PTPRT: variants seen among roughly 807,000 people sequenced by gnomAD.
The protein encoded by PTPRT is receptor-type tyrosine-protein phosphatase T.
Under a neutral mutation model 176.8 loss-of-function variants are expected in PTPRT, and 56 were observed. The observed-to-expected ratio is 0.32, with a 90% confidence interval of 0.26 to 0.40. The LOEUF is 0.40. Ranked by LOEUF, PTPRT falls within the 10% of genes least tolerant of loss-of-function variation. PTPRT has a pLI of 1.00. For missense variants in PTPRT, 1,540 were observed against 1,908.2 expected, an observed-to-expected ratio of 0.81 and a Z score of 3.60; for synonymous variants, 783 against 739.0, an observed-to-expected ratio of 1.06 and a Z score of -0.96.
chr20:42,230,110 G>A (rs1160235674), intron 15 of PTPRT, among the ~76,000 whole-genome samples: 1 of 152,146 alleles, frequency 6.6e-6, no homozygotes, highest in Non-Finnish European at 1.5e-5. Flanking sequence ...AATCATGAGA[G>A]ACTTCTTGTA....
intron 1 of PTPRT, among the ~76,000 whole-genome samples, chr20:42,893,173 A>C (rs2079225235): frequency 6.6e-6 from 1 of 152,150 alleles, no homozygotes; most frequent in Admixed American, 6.5e-5. Flanking sequence ...TACAAGAAAA[A>C]AACAACCCCA....
At chr20:42,411,915 T>G (rs1392653695) in intron 9 of PTPRT, among the ~76,000 whole-genome samples, 1 of 152,022 alleles carries the variant, frequency 6.6e-6, no homozygotes, top group East Asian at 1.9e-4. Context: ...GATATCCATA[T>G]GTAAGAAATC....
chr20:42,803,782 G>T (rs927805998), intron 2 of PTPRT, among the ~76,000 whole-genome samples: 2 of 152,206 alleles, frequency 1.3e-5, no homozygotes, highest in African/African-American at 4.8e-5. Context: ...TAGAACTCCT[G>T]ACCTCAGGCA....
chr20:42,832,155 G>A (rs2078100502), intron 2 of PTPRT, among the ~76,000 whole-genome samples: 1 of 152,214 alleles, frequency 6.6e-6, no homozygotes, highest in Admixed American at 6.5e-5. Flanking sequence ...TGAAGAAAAT[G>A]TGGTACATAT....
At chr20:42,293,589 G>A (rs1468994961) in intron 12 of PTPRT, among the ~76,000 whole-genome samples, 1 of 152,034 alleles carries the variant, frequency 6.6e-6, no homozygotes, top group Non-Finnish European at 1.5e-5. Flanking sequence ...TAAATTGCAA[G>A]GATTTGAATA....
In PTPRT at chr20:42,215,279, G is replaced by A. The variant is rs892902599; in HGVS notation, c.2343-15891C>T. Reference sequence around the variant, plus strand: ...TGGACTGACTTGGCTCCTAACAGTGGTGTAATCATGATCAGGTCTCCATTT... The same window carrying A: ...TGGACTGACTTGGCTCCTAACAGTGATGTAATCATGATCAGGTCTCCATTT... On this transcript the variant is annotated intron_variant, in intron 15 of 30. Coordinates refer to ENST00000373187, the MANE Select transcript of PTPRT (RefSeq NM_007050.6). Among the ~76,000 whole-genome samples the A allele has an allele frequency of 5.3e-5, 8 of 152,254 alleles. No individual in the cohort carries two copies. In the South Asian group the frequency reaches 1.7e-3, roughly 32 times the overall value.
At chr20:42,495,512 A>G (rs1004906341) in intron 7 of PTPRT, among the ~76,000 whole-genome samples, 1 of 152,206 alleles carries the variant, frequency 6.6e-6, no homozygotes, top group Admixed American at 6.5e-5. Context: ...AAGGAGAAGA[A>G]GAAATAAAGC....
intron 1 of PTPRT, chr20:42,971,060 C>A (rs187347671): frequency 6.6e-6 from 1 of 152,350 alleles, no homozygotes; most frequent in East Asian, 1.9e-4. Context: ...ATTTGCATTT[C>A]AAAACCCTAA....
In PTPRT at chr20:42,939,220, A is replaced by C. The variant is rs553020007; in HGVS notation, c.89-53288T>G. ...TAAACATTTCGTCAATTTCAATGGG[A>C]TGTCAATTTCCCCTGCCAAGCAAGG... is the stretch of plus-strand genomic sequence containing the variant. On this transcript the variant is annotated intron_variant, in intron 1 of 30. Transcript: ENST00000373187. Among the ~76,000 whole-genome samples, 56 of 152,324 alleles carry C rather than the reference A, an allele frequency of 3.7e-4. 1 individual carries two copies. The South Asian group carries it at 9.3e-3, about 25-fold the overall frequency.
At chr20:43,101,448 T>C (rs2012389150) in intron 1 of PTPRT, among the ~76,000 whole-genome samples, 3 of 152,212 alleles carry the variant, frequency 2.0e-5, no homozygotes, top group African/African-American at 7.2e-5. Flanking sequence ...ATGTAGCCTT[T>C]CTTAGCCTGA....
At chr20:42,642,632 G>T (rs771927636) in intron 7 of PTPRT, among the ~76,000 whole-genome samples, 1 of 152,038 alleles carries the variant, frequency 6.6e-6, no homozygotes, top group Non-Finnish European at 1.5e-5. Flanking sequence ...GATCAATGAG[G>T]TACCCAGTGA....
intron 7 of PTPRT, among the ~76,000 whole-genome samples, chr20:42,569,811 A>G (rs1568985211): frequency 6.6e-6 from 1 of 152,168 alleles, no homozygotes. Context: ...CCCCAAGAAG[A>G]CGTTTATCAT....
rs1983155659 is a variant in PTPRT at position 42,079,980 on chromosome 20, C to T, written c.*899G>A. 8.6e-6 allele frequency: 2 copies of T among 231,874 alleles called. No individual in the cohort carries two copies. Among genetic ancestry groups the T allele is most frequent in the South Asian group, 1.8e-4 (1 of 5,516 alleles). 14.4% of individuals were successfully genotyped at this position (231,874 alleles called of 1,614,324 possible). On this transcript the variant is annotated 3_prime_UTR_variant, in exon 31 of 31. Transcript: ENST00000373187. Reference sequence around the variant, plus strand: ...TTTTACACCCTCCAAAAGAAAGTTTCTTTTCACATACACTTTGGAAAATAA... The same window carrying T: ...TTTTACACCCTCCAAAAGAAAGTTTTTTTTCACATACACTTTGGAAAATAA...
chr20:42,705,246 A>C (rs2076035471), intron 6 of PTPRT, among the ~76,000 whole-genome samples: 1 of 152,126 alleles, frequency 6.6e-6, no homozygotes, highest in African/African-American at 2.4e-5. Flanking sequence ...GTCCATATAA[A>C]AGGCTACTTG....
At chr20:42,103,934 T>A (rs960111686) in intron 25 of PTPRT, among the ~76,000 whole-genome samples, 2 of 152,220 alleles carry the variant, frequency 1.3e-5, no homozygotes, top group Admixed American at 1.3e-4. Flanking sequence ...ATTCTGCAGC[T>A]TCCTAGAGAA....
At chr20:43,061,974 C>T (rs1415604609) in intron 1 of PTPRT, among the ~76,000 whole-genome samples, 22 of 152,154 alleles carry the variant, frequency 1.4e-4, no homozygotes, top group Admixed American at 9.8e-4. Flanking sequence ...AAAAACATTA[C>T]GCTGAGCAAA....
intron 1 of PTPRT, among the ~76,000 whole-genome samples, chr20:42,978,995 C>T (rs1343093089): frequency 6.6e-6 from 1 of 152,176 alleles, no homozygotes; most frequent in African/African-American, 2.4e-5. Context: ...AGGAACTCAC[C>T]CTGAATTCTT....
chr20:42,202,016 C>A (rs960737428), intron 15 of PTPRT, among the ~76,000 whole-genome samples: 1 of 148,510 alleles, frequency 6.7e-6, no homozygotes, highest in African/African-American at 2.5e-5. Context: ...GTTGCCTACA[C>A]TGGAGTGCAG....
intron 9 of PTPRT, among the ~76,000 whole-genome samples, chr20:42,376,879 C>T (rs1395335090): frequency 3.9e-5 from 6 of 152,018 alleles, no homozygotes; most frequent in Admixed American, 6.5e-5. Context: ...TCTTGAAAGG[C>T]GCGATAAGGA....
Sources: gnomAD v4.1 joint callset for allele counts (sites outside exome capture counted in the v4.1 genomes callset) on GRCh38, gnomAD v4.1.1 for gene constraint, MANE v1.5 for transcripts, NCBI Gene and HGNC (gene_info 2026-07-23, HGNC 2026-07-21) for gene names.